NHS: variants seen among roughly 807,000 people sequenced by gnomAD.
NHS encodes the protein actin remodeling regulator NHS.
In NHS, 5 loss-of-function variants were observed where a neutral mutation model predicts 72.5. That is an observed-to-expected ratio of 0.07 (90% CI 0.04 to 0.14). NHS has a LOEUF of 0.14. Ranked by LOEUF, NHS falls within the 10% of genes least tolerant of loss-of-function variation. The pLI is 1.00. For missense variants in NHS, 1,072 were observed against 1,355.7 expected (o/e 0.79, Z 3.29); for synonymous variants, 464 against 547.7 (o/e 0.85, Z 2.13).
At chrX:17,450,334 T>C (rs2064800068) in intron 1 of NHS, among the ~76,000 whole-genome samples, 1 of 112,174 alleles carries the variant, frequency 8.9e-6, no homozygotes, top group Non-Finnish European at 1.9e-5. Context: ...GTAATAATAA[T>C]ACCAGCTAAC....
Position 17,725,819 on chromosome X carries a change from C to T in NHS, c.1713C>T (p.Ser571=). Residue 571 remains serine, a synonymous_variant, in exon 7 of 9, where the codon AGC becomes AGT. Transcript: ENST00000676302. ...TGGCCTGCTCTCAACATCTTCACAG[C>T]CCCCAGCACAAATTAAGTGAGAGGG... ...LGLACSQHLH[S]PQHKLSERGR... is the part of the protein sequence containing the mutation. The T allele has an allele frequency of 5.8e-6, 7 of 1,211,638 alleles. No homozygotes were observed. Among genetic ancestry groups the T allele is most frequent in the Non-Finnish European group, 7.8e-6 (7 of 895,443 alleles).
chrX:17,728,810 G>C, intron 8 of NHS, 35 bp downstream of exon 8: 1 of 1,209,692 alleles, frequency 8.3e-7, no homozygotes, highest in Non-Finnish European at 1.1e-6. Context: ...CAAAACAAAA[G>C]GTACAACAAA....
intron 1 of NHS, among the ~76,000 whole-genome samples, chrX:17,683,642 T>C (rs2066142270): frequency 8.9e-6 from 1 of 111,941 alleles, no homozygotes; most frequent in African/African-American, 3.3e-5. Flanking sequence ...ATAATGCACC[T>C]GGCTTAGAAC....
chrX:17,597,498 CAGTG>C (rs961123159), intron 1 of NHS, among the ~76,000 whole-genome samples: 2 of 106,891 alleles, frequency 1.9e-5, no homozygotes, highest in African/African-American at 3.4e-5. Flanking sequence ...CACTCTTCCT[CAGTG>C]AGCATTTGGA....
chrX:17,452,015 A>G (rs1432742872), intron 1 of NHS, among the ~76,000 whole-genome samples: 1 of 111,732 alleles, frequency 8.9e-6, no homozygotes, highest in African/African-American at 3.3e-5. Context: ...ATAAATATTT[A>G]TTAAGTATAT....
chrX:17,536,759 C>T lies in NHS; in HGVS notation c.566-150983C>T, dbSNP rs778648763. Among the ~76,000 whole-genome samples, 43 of 112,441 alleles carry T rather than the reference C, an allele frequency of 3.8e-4. No homozygotes were observed. The Middle Eastern group carries it at 0.014, about 36-fold the overall frequency. On this transcript the variant is annotated intron_variant, in intron 1 of 8. Transcript: ENST00000676302. The stretch of plus-strand genomic sequence containing the variant: ...CCACACACCTAACCACTGTCTGACA[C>T]GTAGGAAACTTTCTATAAATGGGTA...
chrX:17,726,976 A>G lies in NHS; in HGVS notation c.2870A>G (p.Asn957Ser), dbSNP rs1219400471. 1 of 1,212,025 alleles carries G rather than the reference A, an allele frequency of 8.3e-7. No homozygotes were observed. Among genetic ancestry groups the G allele is most frequent in the South Asian group, 1.8e-5 (1 of 57,016 alleles). The change falls in exon 7 of 9, where the codon AAT becomes AGT. Residue 957 changes from asparagine to serine, a missense_variant. Transcript: ENST00000676302. The part of the protein sequence containing the change: ...DLWLLNDLKT[N>S]DPYRSLSNSS... Reference sequence around the variant, plus strand: ...TGGCTCCTAAATGACTTGAAAACAAATGATCCTTATAGATCTCTATCTAAT... The same window carrying G: ...TGGCTCCTAAATGACTTGAAAACAAGTGATCCTTATAGATCTCTATCTAAT...
intron 1 of NHS, among the ~76,000 whole-genome samples, chrX:17,414,450 T>C (rs1416777288): frequency 8.9e-6 from 1 of 112,356 alleles, no homozygotes; most frequent in Non-Finnish European, 1.9e-5. Context: ...TTATGTGCAA[T>C]TTGCTTCTAA....
At chrX:17,555,809 C>T (rs1399203311) in intron 1 of NHS, among the ~76,000 whole-genome samples, 1 of 111,732 alleles carries the variant, frequency 8.9e-6, no homozygotes, top group Non-Finnish European at 1.9e-5. Flanking sequence ...GTTTTGGGGG[C>T]CTAGGAATTC....
At chrX:17,518,302 G>A (rs2065130257) in intron 1 of NHS, among the ~76,000 whole-genome samples, 1 of 112,109 alleles carries the variant, frequency 8.9e-6, no homozygotes, top group Non-Finnish European at 1.9e-5. Flanking sequence ...AGCAAAGATG[G>A]GGATGTGTCA....
Position 17,547,856 on chromosome X carries a change from T to C in NHS, c.566-139886T>C, listed in dbSNP as rs145376729. Among the ~76,000 whole-genome samples, 1,115 of 112,041 alleles carry C rather than the reference T, an allele frequency of 1.0e-2. 11 individuals are homozygous for C. The highest frequency in any genetic ancestry group is 0.034 in the African/African-American group (1,032 of 30,771). ...CTGGAAGGTCTAGGATGGCCTCACCTCCATGGCTGGCGTCTCAGCTGCAGC... is the reference window on the plus strand; with the variant it reads ...CTGGAAGGTCTAGGATGGCCTCACCCCCATGGCTGGCGTCTCAGCTGCAGC... On this transcript the variant is annotated intron_variant, in intron 1 of 8. Transcript: ENST00000676302.
intron 3 of NHS, among the ~76,000 whole-genome samples, chrX:17,698,934 A>T (rs1049435875): frequency 9.0e-6 from 1 of 111,506 alleles, no homozygotes; most frequent in Non-Finnish European, 1.9e-5. Context: ...ATACATATGT[A>T]TATATGTATG....
At chrX:17,537,858 C>CT (rs1176802299) in intron 1 of NHS, among the ~76,000 whole-genome samples, 1 of 111,760 alleles carries the variant, frequency 8.9e-6, no homozygotes, top group Non-Finnish European at 1.9e-5. Flanking sequence ...CGACTGGAGG[C>CT]TGGGGGCACG....
chrX:17,520,384 G>A (rs1447284475), intron 1 of NHS, among the ~76,000 whole-genome samples: 3 of 112,496 alleles, frequency 2.7e-5, no homozygotes, highest in Non-Finnish European at 5.6e-5. Flanking sequence ...CTTGCTGACT[G>A]CCAAGAAAGC....
chrX:17,719,742 G>A (rs2066394464), intron 4 of NHS, among the ~76,000 whole-genome samples: 1 of 111,365 alleles, frequency 9.0e-6, no homozygotes, highest in African/African-American at 3.3e-5. Context: ...TCAAAAAGGA[G>A]AACAAGACAA....
At chrX:17,415,792 A>G (rs925338213) in intron 1 of NHS, among the ~76,000 whole-genome samples, 1 of 111,819 alleles carries the variant, frequency 8.9e-6, no homozygotes, top group Non-Finnish European at 1.9e-5. Flanking sequence ...GTAATAATCG[A>G]TGTTTCTGGG....
chrX:17,615,104 G>GTA (rs1274214751), intron 1 of NHS, among the ~76,000 whole-genome samples: 141 of 89,678 alleles, frequency 1.6e-3, no homozygotes, highest in African/African-American at 2.6e-3. Context: ...ATATATATAT[G>GTA]TATATATATA....
At chrX:17,445,599 T>C (rs886209860) in intron 1 of NHS, among the ~76,000 whole-genome samples, 2 of 110,849 alleles carry the variant, frequency 1.8e-5, no homozygotes, top group African/African-American at 6.6e-5. Context: ...GTGGCAGTTT[T>C]TACTTTTTCT....
intron 1 of NHS, among the ~76,000 whole-genome samples, chrX:17,379,278 A>C (rs2064363105): frequency 9.1e-6 from 1 of 110,026 alleles, no homozygotes; most frequent in Non-Finnish European, 1.9e-5. Flanking sequence ...GTGGCTAGTA[A>C]ACCAGTTAGA....
Sources: allele counts gnomAD v4.1 joint callset (sites outside exome capture counted in the v4.1 genomes callset), GRCh38; gene constraint gnomAD v4.1.1; transcripts MANE v1.5; gene names NCBI Gene and HGNC (gene_info 2026-07-23, HGNC 2026-07-21).